The following ZNF90 variants were observed in gnomAD, a reference collection of about 807,000 sequenced individuals.
The protein encoded by ZNF90 is zinc finger protein 90.
ZNF90 carries 11 observed loss-of-function variants against 12.0 expected under a neutral mutation model. The ratio of observed to expected loss-of-function variants is 0.92; its 90% CI spans 0.58 to 1.52. ZNF90 has a LOEUF of 1.52. Among genes scored for constraint, ZNF90 ranks in the 40% most tolerant of loss-of-function variants. The pLI is 0.00. For synonymous variants in ZNF90, 232 were observed against 240.1 expected (o/e 0.97, Z 0.31); for missense variants, 765 against 711.5 (o/e 1.08, Z -0.86).
intron 1 of ZNF90, among the ~76,000 whole-genome samples, chr19:20,085,063 A>C (rs1351103678): frequency 3.3e-5 from 5 of 151,972 alleles, no homozygotes; most frequent in Admixed American, 6.6e-5. Context: ...TTTTCATTTA[A>C]TTTTTTAATT....
chr19:20,118,229 A>G lies in ZNF90; in HGVS notation c.675A>G (p.Gly225=). The change falls in exon 4 of 4, where the codon GGA becomes GGG. Residue 225 remains glycine (G), a synonymous_variant. Transcript: ENST00000418063. ...HLTSHKRIHT[G]EKRYKCEDCG... ...CTTCACATAAGAGAATTCATACTGGAGAGAAACGGTACAAATGTGAAGATT... is the reference window on the plus strand; with the variant it reads ...CTTCACATAAGAGAATTCATACTGGGGAGAAACGGTACAAATGTGAAGATT... The G allele has an allele frequency of 2.5e-6, 4 of 1,598,128 alleles. No individual in the cohort carries two copies. Among genetic ancestry groups the G allele is most frequent in the Non-Finnish European group, 3.4e-6 (4 of 1,171,686 alleles).
intron 1 of ZNF90, among the ~76,000 whole-genome samples, chr19:20,103,945 C>G (rs1426282001): frequency 6.6e-6 from 1 of 152,124 alleles, no homozygotes; most frequent in Non-Finnish European, 1.5e-5. Context: ...TCCGTATGAT[C>G]TAAATATAGC....
At chr19:20,079,784 T>C (rs2122466460) in intron 1 of ZNF90, 1 of 235,766 alleles carries the variant, frequency 4.2e-6, no homozygotes, top group South Asian at 5.4e-5. Flanking sequence ...TATTTTGTTT[T>C]AGGCCAGGCG....
intron 1 of ZNF90, among the ~76,000 whole-genome samples, chr19:20,095,158 A>C (rs183222638): frequency 2.9e-4 from 44 of 152,150 alleles, no homozygotes; most frequent in African/African-American, 1.1e-3. Context: ...GGAGGGAAAG[A>C]AGGAGGATCT....
chr19:20,091,256 C>G (rs1317188865), intron 1 of ZNF90, among the ~76,000 whole-genome samples: 1 of 152,020 alleles, frequency 6.6e-6, no homozygotes, highest in Non-Finnish European at 1.5e-5. Flanking sequence ...GGGAGGGGGC[C>G]TGAACAATCC....
intron 3 of ZNF90, among the ~76,000 whole-genome samples, chr19:20,105,671 T>A (rs1047914172): frequency 6.6e-6 from 1 of 152,164 alleles, no homozygotes; most frequent in Non-Finnish European, 1.5e-5. Context: ...CTGTTTTTAG[T>A]CTTTTTGCAT....
intron 2 of ZNF90, among the ~76,000 whole-genome samples, 170 bp downstream of exon 2, chr19:20,104,535 A>G (rs1555704201): frequency 6.6e-6 from 1 of 152,196 alleles, no homozygotes; most frequent in East Asian, 1.9e-4. Context: ...AAGATGTTTC[A>G]TCTTAATTTA....
intron 3 of ZNF90, among the ~76,000 whole-genome samples, chr19:20,111,796 CTA>C (rs1414467559): frequency 1.3e-5 from 2 of 151,792 alleles, no homozygotes; most frequent in Admixed American, 1.3e-4. Context: ...AACTATGCCT[CTA>C]TATTTTCAGC....
At chr19:20,115,481 G>A (rs2089129462) in intron 3 of ZNF90, among the ~76,000 whole-genome samples, 1 of 146,846 alleles carries the variant, frequency 6.8e-6, no homozygotes, top group Admixed American at 6.8e-5. Context: ...TATCTTTACA[G>A]ATATTTTCTT....
At chr19:20,098,388 C>T (rs1333029161) in intron 1 of ZNF90, among the ~76,000 whole-genome samples, 1 of 152,202 alleles carries the variant, frequency 6.6e-6, no homozygotes, top group Non-Finnish European at 1.5e-5. Context: ...TGTTCATTGA[C>T]CTGCTACAGT....
chr19:20,117,079 G>GT (rs2122528583), intron 3 of ZNF90, among the ~76,000 whole-genome samples: 1 of 149,160 alleles, frequency 6.7e-6, no homozygotes, highest in South Asian at 2.1e-4. Context: ...ATGTCATTCT[G>GT]TTCCCTATGC....
At chr19:20,084,079 T>TTTC (rs2088841292) in intron 1 of ZNF90, among the ~76,000 whole-genome samples, 1 of 151,806 alleles carries the variant, frequency 6.6e-6, no homozygotes, top group African/African-American at 2.4e-5. Context: ...TTTTTTTTTT[T>TTTC]TTGAGACGGA....
rs1599651408 is a variant in ZNF90, at chr19:20,109,328, G to C, written c.226+4012G>C. On this transcript the variant is annotated intron_variant, in intron 3 of 3. Coordinates refer to ENST00000418063, the MANE Select transcript of ZNF90 (RefSeq NM_007138.2). The stretch of plus-strand genomic sequence containing the variant: ...GTCTGTAAATATGACCCCAATTTTA[G>C]ATATTTTTTCTTAGCTGAATTTCAA... Among the ~76,000 whole-genome samples the C allele has an allele frequency of 2.0e-5, 3 of 152,176 alleles. No homozygotes were observed. In the Middle Eastern group the frequency reaches 0.01, roughly 518 times the overall value.
chr19:20,085,843 T>A (rs2088855207), intron 1 of ZNF90, among the ~76,000 whole-genome samples: 1 of 152,238 alleles, frequency 6.6e-6, no homozygotes, highest in African/African-American at 2.4e-5. Context: ...ATTATCTTTA[T>A]CTAGTACTTC....
At chr19:20,087,801 AGT>A (rs2088870713) in intron 1 of ZNF90, among the ~76,000 whole-genome samples, 1 of 152,162 alleles carries the variant, frequency 6.6e-6, no homozygotes, top group African/African-American at 2.4e-5. Flanking sequence ...AAGGGAGATA[AGT>A]GTGGGGCCAT....
rs545266339 is a variant in ZNF90 at position 20,096,395 on chromosome 19, A to G, written c.4-7844A>G. ...GCTTTGTGTGAGCAATAAAGCTTTT[A>G]ATCACCTGAGTGCAGGTGGGCTGAT... On this transcript the variant is annotated intron_variant, in intron 1 of 3. Coordinates refer to ENST00000418063, the MANE Select transcript of ZNF90 (RefSeq NM_007138.2). 6.6e-5 allele frequency among the ~76,000 whole-genome samples: 10 copies of G among 152,282 alleles called. No homozygotes were observed. In the South Asian group the frequency reaches 1.9e-3, roughly 28 times the overall value.
At chr19:20,090,553 C>G (rs782510417) in intron 1 of ZNF90, among the ~76,000 whole-genome samples, 1 of 152,086 alleles carries the variant, frequency 6.6e-6, no homozygotes. Flanking sequence ...AGTAGGGTCC[C>G]GTCCATCGAG....
Position 20,118,670 on chromosome 19 carries a change from T to C in ZNF90, c.1116T>C (p.Asp372=), listed in dbSNP as rs1405551534. 6 of 1,566,624 alleles carry C rather than the reference T, an allele frequency of 3.8e-6. No individual in the cohort carries two copies. The Admixed American group carries it at 1.1e-4, about 28-fold the overall frequency. The change falls in exon 4 of 4, where the codon GAT becomes GAC. Residue 372 remains aspartate (D), a synonymous_variant. Transcript: ENST00000418063. ...IHTGEKPYKC[D]KCGKAFISSS... is the part of the protein sequence containing the mutation. Reference sequence around the variant, plus strand: ...CTGGAGAGAAACCCTACAAGTGTGATAAATGTGGCAAAGCATTTATTTCAT... The same window carrying C: ...CTGGAGAGAAACCCTACAAGTGTGACAAATGTGGCAAAGCATTTATTTCAT...
In ZNF90 at chr19:20,118,109, C is replaced by T. The variant is rs781819670; in HGVS notation, c.555C>T (p.Ser185=). 16 of 1,613,482 alleles carry T rather than the reference C, an allele frequency of 9.9e-6. No homozygotes were observed. The highest frequency in any genetic ancestry group is 1.3e-5 in the Non-Finnish European group (15 of 1,179,694). ...CIECGKAFNQ[S]STLATHKKIH... is the part of the protein sequence containing the mutation. ...AATGTGGCAAAGCTTTCAACCAGTC[C>T]TCAACCCTTGCTACACATAAGAAAA... is the stretch of plus-strand genomic sequence containing the variant. The change falls in exon 4 of 4, where the codon TCC becomes TCT. Residue 185 remains serine, a synonymous_variant. Transcript: ENST00000418063.
Sources: allele counts gnomAD v4.1 joint callset (sites outside exome capture counted in the v4.1 genomes callset), GRCh38; gene constraint gnomAD v4.1.1; transcripts MANE v1.5; gene names NCBI Gene and HGNC (gene_info 2026-07-23, HGNC 2026-07-21).